MXI1: variants seen among roughly 807,000 people sequenced by gnomAD.
The protein encoded by MXI1 is MAX interactor 1, dimerization protein, also known as max-interacting protein 1.
In MXI1, 18 loss-of-function variants were observed where a neutral mutation model predicts 36.9. The observed-to-expected ratio is 0.49, with a 90% CI of 0.34 to 0.72. The LOEUF is 0.72. Ranked by LOEUF, MXI1 falls within the 30% of genes least tolerant of loss-of-function variation. MXI1 has a pLI of 0.01. For missense variants in MXI1, 304 were observed against 379.1 expected, an observed-to-expected ratio of 0.80 and a Z score of 1.64; for synonymous variants, 160 against 146.7, an observed-to-expected ratio of 1.09 and a Z score of -0.65.
chr10:110,269,757 A>G (rs1342369339), intron 3 of MXI1, among the ~76,000 whole-genome samples: 2 of 152,188 alleles, frequency 1.3e-5, no homozygotes, highest in African/African-American at 2.4e-5. Context: ...GTACAATACT[A>G]TTGACATCAC....
chr10:110,233,010 T>C (rs952440626), intron 2 of MXI1, among the ~76,000 whole-genome samples: 2 of 152,206 alleles, frequency 1.3e-5, no homozygotes, highest in Admixed American at 6.5e-5. Context: ...GCAATAAATA[T>C]TCATATGAGC....
Position 110,279,188 on chromosome 10 carries a change from A to G in MXI1, c.446A>G (p.His149Arg). 6.2e-7 allele frequency: 1 copy of G among 1,613,882 alleles called. No homozygotes were observed. The highest frequency in any genetic ancestry group is 8.5e-7 in the Non-Finnish European group (1 of 1,179,744). Residue 149 changes from histidine (H) to arginine (R), a missense_variant, in exon 4 of 6, where the codon CAT becomes CGT. Coordinates refer to ENST00000332674, the MANE Select transcript of MXI1 (RefSeq NM_130439.3). ...CTTTTTGTCTTTCTTAGACGAGCTC[A>G]TCTGCGCCTTTGTTTAGAACGCTTA... ...HNELEKNRRA[H>R]LRLCLERLKV...
At chr10:110,261,446 A>T (rs200534404) in intron 3 of MXI1, among the ~76,000 whole-genome samples, 7,607 of 133,528 alleles carry the variant, frequency 0.057, 278 homozygotes, top group South Asian at 0.17. Flanking sequence ...TTTTTTTTTT[A>T]ACCCCTCCAA....
chr10:110,263,131 C>T (rs1422655909), intron 3 of MXI1, among the ~76,000 whole-genome samples: 1 of 152,136 alleles, frequency 6.6e-6, no homozygotes, highest in Non-Finnish European at 1.5e-5. Flanking sequence ...GCAGGCTCTG[C>T]ACCTTTCGTT....
At chr10:110,216,209 T>C (rs780412375) in intron 1 of MXI1, among the ~76,000 whole-genome samples, 16 of 152,234 alleles carry the variant, frequency 1.1e-4, no homozygotes, top group Non-Finnish European at 2.1e-4. Flanking sequence ...AGGGAATATA[T>C]GTAAACAGAA....
intron 1 of MXI1, chr10:110,227,660 C>T: frequency 1.6e-6 from 1 of 609,750 alleles, no homozygotes; most frequent in Non-Finnish European, 2.1e-6. Context: ...TGAATACCTG[C>T]GGGGTGATGA....
chr10:110,224,653 T>TTTTTTTTG, intron 1 of MXI1, among the ~76,000 whole-genome samples: 1 of 150,384 alleles, frequency 6.6e-6, no homozygotes, highest in Non-Finnish European at 1.5e-5. Flanking sequence ...TTTTTTTTTT[T>TTTTTTTTG]TCTTTGAGAC....
intron 2 of MXI1, among the ~76,000 whole-genome samples, chr10:110,232,215 C>T (rs1051405419): frequency 1.3e-5 from 2 of 152,166 alleles, no homozygotes; most frequent in African/African-American, 4.8e-5. Flanking sequence ...CCGGCTTGGC[C>T]TCCCAAAGTG....
intron 3 of MXI1, 106 bp from the exon 4 acceptor site, chr10:110,279,074 C>T (rs986951844): frequency 9.8e-6 from 8 of 815,120 alleles, no homozygotes; most frequent in Non-Finnish European, 1.4e-5. Flanking sequence ...TGACATCTAT[C>T]CTATAGGCTG....
At chr10:110,250,611 T>C (rs1047392196) in intron 3 of MXI1, among the ~76,000 whole-genome samples, 1 of 151,934 alleles carries the variant, frequency 6.6e-6, no homozygotes, top group Non-Finnish European at 1.5e-5. Flanking sequence ...GCAGGTGGAT[T>C]GCTTGAGGCC....
intron 3 of MXI1, among the ~76,000 whole-genome samples, chr10:110,259,040 TAATC>T (rs1420716321): frequency 6.6e-6 from 1 of 152,104 alleles, no homozygotes; most frequent in African/African-American, 2.4e-5. Flanking sequence ...TCTTAAAAAA[TAATC>T]AGAAGTACTG....
intron 2 of MXI1, among the ~76,000 whole-genome samples, chr10:110,238,628 G>A (rs1267910537): frequency 6.6e-6 from 1 of 151,992 alleles, no homozygotes; most frequent in African/African-American, 2.4e-5. Flanking sequence ...ATGTAGGATT[G>A]GTTTTATTTA....
intron 1 of MXI1, among the ~76,000 whole-genome samples, chr10:110,223,129 G>A (rs192772851): frequency 1.1e-3 from 163 of 152,318 alleles, no homozygotes; most frequent in Admixed American, 3.7e-3. Context: ...AGTTCACCTG[G>A]AGGTCAACTG....
At chr10:110,268,273 T>G (rs1256079166) in intron 3 of MXI1, among the ~76,000 whole-genome samples, 3 of 152,210 alleles carry the variant, frequency 2.0e-5, no homozygotes, top group African/African-American at 7.2e-5. Context: ...TAATAGCACT[T>G]GTGTAGCAGT....
At chr10:110,219,837 T>C (rs1302325036) in intron 1 of MXI1, among the ~76,000 whole-genome samples, 1 of 152,224 alleles carries the variant, frequency 6.6e-6, no homozygotes, top group East Asian at 1.9e-4. Flanking sequence ...ATTGAATAAA[T>C]GATTAGTTTT....
intron 1 of MXI1, among the ~76,000 whole-genome samples, chr10:110,217,225 A>C (rs1439981659): frequency 6.6e-6 from 1 of 152,222 alleles, no homozygotes; most frequent in African/African-American, 2.4e-5. Context: ...GGAAATTTAG[A>C]CACAGCAAAA....
At chr10:110,227,446 G>A (rs1855089576) in intron 1 of MXI1, 1 of 988,610 alleles carries the variant, frequency 1.0e-6, no homozygotes, top group Non-Finnish European at 1.2e-6. Context: ...GCGGCGAGCG[G>A]GAAGGAGACG....
At chr10:110,215,031 G>GTTTTT (rs1310002307) in intron 1 of MXI1, among the ~76,000 whole-genome samples, 1,920 of 97,856 alleles carry the variant, frequency 0.02, 237 homozygotes, top group African/African-American at 0.073. Flanking sequence ...CTCCACTTCA[G>GTTTTT]TTTTTTTTTT....
intron 3 of MXI1, among the ~76,000 whole-genome samples, chr10:110,264,034 A>G (rs1320438951): frequency 1.3e-5 from 2 of 152,110 alleles, no homozygotes; most frequent in East Asian, 1.9e-4. Context: ...GAAGTGGCCA[A>G]TGGGTTCATC....
Sources: allele counts gnomAD v4.1 joint callset (sites outside exome capture counted in the v4.1 genomes callset), GRCh38; gene constraint gnomAD v4.1.1; transcripts MANE v1.5; gene names NCBI Gene and HGNC (gene_info 2026-07-23, HGNC 2026-07-21).